Variants in CNBD1 observed in about 807,000 individuals in gnomAD.
The protein encoded by CNBD1 is cyclic nucleotide-binding domain-containing protein 1.
A neutral mutation model predicts 54.4 loss-of-function variants in CNBD1; 71 were observed. The observed-to-expected ratio is 1.30, with a 90% CI of 1.08 to 1.59. CNBD1 has a LOEUF of 1.59. Ranked by LOEUF, CNBD1 falls within the 40% of genes most tolerant of loss-of-function variation. The probability of loss-of-function intolerance (pLI) is 0.00; values close to 1 mark genes in which losing one functional copy is unlikely to be tolerated. For synonymous variants in CNBD1, 182 were observed against 170.7 expected (o/e 1.07, Z -0.51); for missense variants, 659 against 518.0 (o/e 1.27, Z -2.64).
chr8:86,919,379 A>G (rs1185948974), intron 3 of CNBD1, among the ~76,000 whole-genome samples: 1 of 152,228 alleles, frequency 6.6e-6, no homozygotes, highest in African/African-American at 2.4e-5. Flanking sequence ...CCATGTGAGC[A>G]GTGAGTTCTT....
At chr8:87,198,655 G>A (rs1813773925) in intron 4 of CNBD1, among the ~76,000 whole-genome samples, 1 of 152,114 alleles carries the variant, frequency 6.6e-6, no homozygotes, top group Non-Finnish European at 1.5e-5. Context: ...ATCAGCAGAA[G>A]TTTTTATAGA....
intron 3 of CNBD1, among the ~76,000 whole-genome samples, chr8:86,908,810 G>C (rs926320466): frequency 4.1e-5 from 6 of 146,778 alleles, no homozygotes; most frequent in African/African-American, 1.5e-4. Flanking sequence ...TTGTGCTGAG[G>C]GCAGGAGTGC....
At chr8:87,160,200 A>G (rs1361675457) in intron 4 of CNBD1, among the ~76,000 whole-genome samples, 1 of 151,862 alleles carries the variant, frequency 6.6e-6, no homozygotes, top group Non-Finnish European at 1.5e-5. Flanking sequence ...TCTTAATGCA[A>G]CTTATAAGAA....
intron 5 of CNBD1, among the ~76,000 whole-genome samples, chr8:87,222,099 C>T (rs1182576926): frequency 6.6e-6 from 1 of 152,026 alleles, no homozygotes; most frequent in East Asian, 1.9e-4. Flanking sequence ...ATTAATCCAT[C>T]TGGCTTAAAA....
rs199795570 is a variant in CNBD1 at position 86,866,500 on chromosome 8, C to T, written c.5C>T (p.Pro2Leu). Residue 2 changes from proline (P) to leucine (L), a missense_variant, in exon 1 of 11, where the codon CCG becomes CTG. Coordinates refer to ENST00000518476, the MANE Select transcript of CNBD1 (RefSeq NM_173538.3). Reference sequence around the variant, plus strand: ...ATCTGCCTTTGAGCCATCAAGATGCCGATGTCTTCTCTTCCAGCAGCTATT... The same window carrying T: ...ATCTGCCTTTGAGCCATCAAGATGCTGATGTCTTCTCTTCCAGCAGCTATT... MPMSSLPAAILS... is the reference protein window; with the variant it reads MLMSSLPAAILS... 189 of 1,609,814 alleles carry T rather than the reference C, an allele frequency of 1.2e-4. No homozygotes were observed. The highest frequency in any genetic ancestry group is 9.1e-4 in the Admixed American group (54 of 59,594).
chr8:86,954,671 T>C (rs965499397), intron 4 of CNBD1, among the ~76,000 whole-genome samples: 2 of 152,218 alleles, frequency 1.3e-5, no homozygotes, highest in Non-Finnish European at 2.9e-5. Context: ...CTACATGTTA[T>C]AATGGTAGCT....
At chr8:86,958,614 GT>G (rs1255277555) in intron 4 of CNBD1, among the ~76,000 whole-genome samples, 1 of 151,998 alleles carries the variant, frequency 6.6e-6, no homozygotes, top group Non-Finnish European at 1.5e-5. Context: ...GTCTTTATTG[GT>G]TTAAAGTCTG....
At chr8:86,894,297 A>G (rs1049480681) in intron 2 of CNBD1, among the ~76,000 whole-genome samples, 4 of 150,408 alleles carry the variant, frequency 2.7e-5, no homozygotes, top group Admixed American at 6.6e-5. Flanking sequence ...TCCTGACCTC[A>G]TGATCCACCC....
intron 4 of CNBD1, among the ~76,000 whole-genome samples, chr8:86,980,480 G>A (rs567675660): frequency 2.0e-5 from 3 of 152,266 alleles, no homozygotes; most frequent in Non-Finnish European, 2.9e-5. Flanking sequence ...AACATATTTC[G>A]AGAAAGCATA....
intron 6 of CNBD1, among the ~76,000 whole-genome samples, chr8:87,259,535 A>C (rs1808092532): frequency 6.6e-6 from 1 of 152,178 alleles, no homozygotes; most frequent in Non-Finnish European, 1.5e-5. Flanking sequence ...TACTGTTTTT[A>C]TTTCACTTTC....
At chr8:87,417,667 C>A (rs1281933312) in intron 2 of CNBD1, among the ~76,000 whole-genome samples, 1 of 151,462 alleles carries the variant, frequency 6.6e-6, no homozygotes, top group African/African-American at 2.4e-5. Context: ...GATCAATATA[C>A]AAAAATCAAT....
At chr8:87,207,558 G>T (rs1003529100) in intron 5 of CNBD1, among the ~76,000 whole-genome samples, 1 of 152,044 alleles carries the variant, frequency 6.6e-6, no homozygotes, top group Non-Finnish European at 1.5e-5. Context: ...TGTTGCCTTA[G>T]TGTAGGGGAG....
At chr8:87,023,420 C>G (rs887070314) in intron 4 of CNBD1, among the ~76,000 whole-genome samples, 5 of 151,982 alleles carry the variant, frequency 3.3e-5, no homozygotes, top group Admixed American at 6.6e-5. Context: ...CTCGGTGAGG[C>G]TTTTGGAATC....
chr8:87,077,103 A>G (rs1025484010), intron 4 of CNBD1, among the ~76,000 whole-genome samples: 1 of 152,162 alleles, frequency 6.6e-6, no homozygotes, highest in Admixed American at 6.5e-5. Flanking sequence ...AGTGTCTCAG[A>G]AGAGGGAGGG....
chr8:87,424,612 T>C (rs557228474), intron 2 of CNBD1, among the ~76,000 whole-genome samples: 1 of 152,332 alleles, frequency 6.6e-6, no homozygotes, highest in East Asian at 1.9e-4. Context: ...TCCTGAGTTC[T>C]AGTTTGATTG....
chr8:87,029,166 T>C (rs1172463594), intron 4 of CNBD1, among the ~76,000 whole-genome samples: 1 of 152,238 alleles, frequency 6.6e-6, no homozygotes, highest in African/African-American at 2.4e-5. Context: ...ATAATGTGTT[T>C]CTACTCCAAT....
chr8:87,111,392 G>A (rs1046252135), intron 4 of CNBD1, among the ~76,000 whole-genome samples: 8 of 152,140 alleles, frequency 5.3e-5, no homozygotes, highest in African/African-American at 1.4e-4. Flanking sequence ...TCATAATGTC[G>A]TTATCTGCTC....
chr8:87,231,028 G>A (rs975097997), intron 5 of CNBD1, among the ~76,000 whole-genome samples: 8 of 152,114 alleles, frequency 5.3e-5, no homozygotes, highest in African/African-American at 1.9e-4. Context: ...GGCGAAATGG[G>A]AGCCAGCATT....
chr8:87,351,596 T>C lies in CNBD1; in HGVS notation c.1043-89T>C, dbSNP rs1299314647. 5.0e-6 allele frequency: 6 copies of C among 1,208,608 alleles called. No individual in the cohort carries two copies. The East Asian group carries it at 1.5e-4, about 31-fold the overall frequency. The allele number at this position is 1,208,608 out of a possible 1,614,324, so 74.9% of individuals were successfully genotyped here. On this transcript the variant is annotated intron_variant, in intron 8 of 10. Transcript: ENST00000518476. ...AAACTTACTATTAATAGTTATTGAA[T>C]TAAATACATTAACTTTTGTTGCTAA...
Sources: gnomAD v4.1 joint callset for allele counts (sites outside exome capture counted in the v4.1 genomes callset) on GRCh38, gnomAD v4.1.1 for gene constraint, MANE v1.5 for transcripts, NCBI Gene and HGNC (gene_info 2026-07-23, HGNC 2026-07-21) for gene names.